ADAMTS18: variants seen among roughly 807,000 people sequenced by gnomAD.
The protein encoded by ADAMTS18 is ADAM metallopeptidase with thrombospondin type 1 motif 18.
Under a neutral mutation model 165.9 loss-of-function variants are expected in ADAMTS18, and 157 were observed. The ratio of observed to expected loss-of-function variants is 0.95; its 90% CI spans 0.83 to 1.08. The LOEUF (loss-of-function observed/expected upper bound fraction) is 1.08, where lower values mean the gene tolerates loss of function less well. ADAMTS18 is among the 50% of genes least tolerant of loss of function. ADAMTS18 has a pLI of 0.00. For synonymous variants in ADAMTS18, 782 were observed against 578.2 expected, an observed-to-expected ratio of 1.35 and a Z score of -5.06; for missense variants, 2,040 against 1,534.0, an observed-to-expected ratio of 1.33 and a Z score of -5.51.
intron 3 of ADAMTS18, among the ~76,000 whole-genome samples, chr16:77,418,568 C>T (rs567570679): frequency 4.5e-4 from 68 of 152,178 alleles, no homozygotes; most frequent in Non-Finnish European, 9.1e-4. Flanking sequence ...CAGCTTCCCC[C>T]TAGAAAGAAT....
Position 77,289,859 on chromosome 16 carries a change from C to T in ADAMTS18, c.3403-448G>A, listed in dbSNP as rs946864950. Among the ~76,000 whole-genome samples the T allele has an allele frequency of 1.3e-5, 2 of 152,254 alleles. 1 individual carries two copies. Among genetic ancestry groups the T allele is most frequent in the Non-Finnish European group, 2.9e-5 (2 of 68,010 alleles). ...AGAGACAGCTCTGGAATTAGGTCCT[C>T]GGTGCCCAGCCACATTCTGAGTTGG... On this transcript the variant is annotated intron_variant, in intron 21 of 22. Transcript: ENST00000282849.
At chr16:77,377,111 G>A (rs372245350) in intron 3 of ADAMTS18, among the ~76,000 whole-genome samples, 14 of 152,180 alleles carry the variant, frequency 9.2e-5, no homozygotes, top group African/African-American at 2.6e-4. Context: ...CACCTCATCC[G>A]GCCTCAAGGG....
intron 4 of ADAMTS18, among the ~76,000 whole-genome samples, chr16:77,365,188 A>C (rs6564436): frequency 1.2e-4 from 7 of 58,398 alleles, no homozygotes; most frequent in East Asian, 1.2e-3. Context: ...CAAACAACAA[A>C]AACAAGCTAT....
chr16:77,349,507 G>GT (rs2056524170), intron 10 of ADAMTS18, among the ~76,000 whole-genome samples: 1 of 69,160 alleles, frequency 1.4e-5, no homozygotes, highest in East Asian at 5.0e-4. Context: ...TGCCCCATTT[G>GT]TTTATGTCAT....
intron 3 of ADAMTS18, among the ~76,000 whole-genome samples, chr16:77,412,428 G>A (rs182202143): frequency 1.3e-4 from 20 of 152,018 alleles, no homozygotes; most frequent in Admixed American, 2.6e-4. Context: ...GGACTCAAGC[G>A]ATCCTCCTGC....
chr16:77,308,298 T>G (rs951311448), intron 16 of ADAMTS18, among the ~76,000 whole-genome samples: 18 of 152,334 alleles, frequency 1.2e-4, no homozygotes, highest in African/African-American at 4.3e-4. Context: ...ACTGAATCAC[T>G]TTGTTTATCA....
intron 16 of ADAMTS18, among the ~76,000 whole-genome samples, chr16:77,308,494 G>C (rs555251727): frequency 1.5e-4 from 6 of 38,884 alleles, no homozygotes; most frequent in East Asian, 1.3e-3. Flanking sequence ...GGAGAGAAAG[G>C]AGGAGCATGA....
At chr16:77,425,166 T>C (rs1369784195) in intron 3 of ADAMTS18, among the ~76,000 whole-genome samples, 1 of 152,096 alleles carries the variant, frequency 6.6e-6, no homozygotes. Flanking sequence ...GCAGTCATAG[T>C]CTAAAAAAGG....
chr16:77,296,130 G>A (rs1478785277), intron 18 of ADAMTS18, among the ~76,000 whole-genome samples: 1 of 152,058 alleles, frequency 6.6e-6, no homozygotes, highest in Non-Finnish European at 1.5e-5. Context: ...AAACATTGGT[G>A]AATGCAACAC....
chr16:77,323,585 T>G (rs772892458), intron 13 of ADAMTS18, among the ~76,000 whole-genome samples: 2 of 151,408 alleles, frequency 1.3e-5, no homozygotes, highest in Non-Finnish European at 2.9e-5. Flanking sequence ...AAGCACAGAT[T>G]CCTGGGTGAG....
intron 3 of ADAMTS18, among the ~76,000 whole-genome samples, chr16:77,421,648 A>G (rs1244705418): frequency 2.0e-5 from 3 of 152,204 alleles, no homozygotes; most frequent in Non-Finnish European, 4.4e-5. Flanking sequence ...GCCAGGTATT[A>G]ATGATGGTGA....
intron 16 of ADAMTS18, among the ~76,000 whole-genome samples, chr16:77,317,914 A>C (rs1158970364): frequency 6.6e-6 from 1 of 152,126 alleles, no homozygotes; most frequent in African/African-American, 2.4e-5. Flanking sequence ...ACCTCTGAAA[A>C]ATTGCCTTAT....
chr16:77,381,260 C>G (rs2057025828), intron 3 of ADAMTS18, among the ~76,000 whole-genome samples: 1 of 148,380 alleles, frequency 6.7e-6, no homozygotes, highest in Non-Finnish European at 1.5e-5. Context: ...TCTTAAAAAA[C>G]ACACATTCTG....
intron 3 of ADAMTS18, among the ~76,000 whole-genome samples, chr16:77,380,936 C>T (rs13339214): frequency 6.6e-6 from 1 of 152,122 alleles, no homozygotes; most frequent in East Asian, 1.9e-4. Flanking sequence ...TACAGTGACA[C>T]GATATCAGCT....
At chr16:77,346,802 T>TA (rs2144698852) in intron 10 of ADAMTS18, among the ~76,000 whole-genome samples, 1 of 152,330 alleles carries the variant, frequency 6.6e-6, no homozygotes, top group South Asian at 2.1e-4. Flanking sequence ...GATGCCATTT[T>TA]AAAAATCAAC....
chr16:77,317,452 G>A (rs1456149312), intron 16 of ADAMTS18, among the ~76,000 whole-genome samples: 2 of 152,122 alleles, frequency 1.3e-5, no homozygotes, highest in African/African-American at 2.4e-5. Flanking sequence ...TCCTGCCTCA[G>A]CCTCCCGACT....
chr16:77,383,157 T>A (rs2454939), intron 3 of ADAMTS18, among the ~76,000 whole-genome samples: 68,173 of 152,006 alleles, frequency 0.45, 16,317 homozygotes, highest in Non-Finnish European at 0.55. Context: ...AGCCTAGACT[T>A]AGCAGTGGTC....
chr16:77,324,759 T>G (rs1009381326), intron 13 of ADAMTS18, among the ~76,000 whole-genome samples: 1 of 152,212 alleles, frequency 6.6e-6, no homozygotes, highest in African/African-American at 2.4e-5. Context: ...CTAAAGCAAT[T>G]TGAAATAAAT....
At chr16:77,374,021 C>G (rs981864120) in intron 3 of ADAMTS18, among the ~76,000 whole-genome samples, 4 of 151,940 alleles carry the variant, frequency 2.6e-5, no homozygotes. Flanking sequence ...GAGTTATAGA[C>G]CAGCCTAGCC....
Sources: gnomAD v4.1 joint callset for allele counts (sites outside exome capture counted in the v4.1 genomes callset) on GRCh38, gnomAD v4.1.1 for gene constraint, MANE v1.5 for transcripts, NCBI Gene and HGNC (gene_info 2026-07-23, HGNC 2026-07-21) for gene names.